Variants in CDKL5 observed in about 807,000 individuals in gnomAD.
CDKL5 encodes the protein cyclin-dependent kinase-like 5.
In CDKL5, 8 loss-of-function variants were observed where a neutral mutation model predicts 61.7. The observed-to-expected ratio is 0.13, with a 90% confidence interval of 0.08 to 0.23. The LOEUF (loss-of-function observed/expected upper bound fraction) is 0.23, where lower values mean the gene tolerates loss of function less well. Ranked by LOEUF, CDKL5 falls within the 10% of genes least tolerant of loss-of-function variation. CDKL5 has a pLI of 1.00. For missense variants in CDKL5, 440 were observed against 734.5 expected (o/e 0.60, Z 4.63); for synonymous variants, 275 against 272.3 (o/e 1.01, Z -0.10).
At chrX:18,581,768 C>T in intron 6 of CDKL5, 123 bp from the exon 7 acceptor site, 1 of 444,113 alleles carries the variant, frequency 2.3e-6, no homozygotes, top group Non-Finnish European at 3.9e-6. Flanking sequence ...TTTTTGCTGC[C>T]ACAGTTTTCT....
At chrX:18,496,984 G>A (rs1273554642) in intron 1 of CDKL5, among the ~76,000 whole-genome samples, 1 of 108,965 alleles carries the variant, frequency 9.2e-6, no homozygotes, top group Non-Finnish European at 1.9e-5. Context: ...CAGCTGGGGG[G>A]TTTAGGATTT....
chrX:18,617,450 G>A (rs1011316122), intron 15 of CDKL5, among the ~76,000 whole-genome samples: 6 of 112,087 alleles, frequency 5.4e-5, no homozygotes, highest in Non-Finnish European at 1.1e-4. Flanking sequence ...GCCAGAATGC[G>A]CAAATGAGGG....
At chrX:18,525,694 T>C (rs1300973089) in intron 3 of CDKL5, among the ~76,000 whole-genome samples, 1 of 109,877 alleles carries the variant, frequency 9.1e-6, no homozygotes, top group Non-Finnish European at 1.9e-5. Flanking sequence ...GGGATTGCAT[T>C]GAATCTGCAG....
At position 18,589,252 on chromosome X, in the gene CDKL5, A is replaced by G. The variant is rs1292457884; in HGVS notation, c.744+1109A>G. 3.6e-5 allele frequency: 4 copies of G among 110,469 alleles called. No individual in the cohort carries two copies. In the East Asian group the frequency reaches 1.1e-3, roughly 32 times the overall value. The allele number at this position is 110,469 out of a possible 1,213,427, so 9.1% of individuals were successfully genotyped here. On this transcript the variant is annotated intron_variant, in intron 9 of 17. Coordinates refer to ENST00000623535, the MANE Select transcript of CDKL5 (RefSeq NM_001323289.2). ...GGTGTGCTGCACCCATTAACTTGTC[A>G]TTTACATTAGGTATATCTCCTAATG...
intron 16 of CDKL5, among the ~76,000 whole-genome samples, chrX:18,624,695 CACTACCATAT>C (rs1926983061): frequency 8.9e-6 from 1 of 112,081 alleles, no homozygotes; most frequent in Non-Finnish European, 1.9e-5. Context: ...ACTTCTTTGG[CACTACCATAT>C]ACAGTGTTTG....
Position 18,565,245 on chromosome X carries a change from A to AT in CDKL5, c.145+730dup, listed in dbSNP as rs749531317. 6.2e-4 allele frequency among the ~76,000 whole-genome samples: 69 copies of AT among 111,829 alleles called. 1 individual carries two copies. Among genetic ancestry groups the AT allele is most frequent in the African/African-American group, 2.2e-3 (67 of 30,794 alleles). On this transcript the variant is annotated intron_variant, in intron 4 of 17. Coordinates refer to ENST00000623535, the MANE Select transcript of CDKL5 (RefSeq NM_001323289.2). ...TGGCCTTTAAGGTGCTCTAGACAAC[A>AT]TTTTTTTCAGACTTTTTGGACTGAG...
At chrX:18,576,431 C>T (rs994161207) in intron 5 of CDKL5, among the ~76,000 whole-genome samples, 2 of 111,274 alleles carry the variant, frequency 1.8e-5, no homozygotes, top group Admixed American at 9.6e-5. Context: ...CCTGCCGATT[C>T]CTATGCTGTT....
At position 18,614,051 on chromosome X, in the gene CDKL5, T is replaced by C. The variant is rs1435190397; in HGVS notation, c.2276+776T>C. Among the ~76,000 whole-genome samples the C allele has an allele frequency of 2.7e-5, 3 of 111,717 alleles. No homozygotes were observed. In the Admixed American group the frequency reaches 2.8e-4, roughly 11 times the overall value. ...ACCCTGAAAGACTGCCCAGGTTCTCTACCAAGAGCATAAAATGGGACATCA... is the reference window on the plus strand; with the variant it reads ...ACCCTGAAAGACTGCCCAGGTTCTCCACCAAGAGCATAAAATGGGACATCA... On this transcript the variant is annotated intron_variant, in intron 15 of 17. Coordinates refer to ENST00000623535, the MANE Select transcript of CDKL5 (RefSeq NM_001323289.2).
chrX:18,432,589 A>C (rs895632614), intron 1 of CDKL5, among the ~76,000 whole-genome samples: 1 of 106,881 alleles, frequency 9.4e-6, no homozygotes, highest in African/African-American at 3.4e-5. Flanking sequence ...AATCATGTAG[A>C]TCTTAAAAGA....
chrX:18,469,585 T>TTGCAATGAGCCGAGATCG (rs1921012423), intron 1 of CDKL5, among the ~76,000 whole-genome samples: 1 of 106,455 alleles, frequency 9.4e-6, no homozygotes, highest in Admixed American at 1.0e-4. Context: ...GAGGCGGAGG[T>TTGCAATGAGCCGAGATCG]TGCAATGAGC....
chrX:18,641,929 G>A (rs981434245), downstream of CDKL5: 65 of 1,081,860 alleles, frequency 6.0e-5, no homozygotes, highest in Non-Finnish European at 8.0e-5. Context: ...GTCCATCTCG[G>A]TGGTGTGTGA....
At chrX:18,504,858 G>A (rs1379878871) in intron 1 of CDKL5, among the ~76,000 whole-genome samples, 2 of 107,270 alleles carry the variant, frequency 1.9e-5, no homozygotes, top group Admixed American at 2.0e-4. Flanking sequence ...GTGTGAACCC[G>A]GGAGGCGGAG....
chrX:18,558,778 C>T (rs1924689978), intron 3 of CDKL5, among the ~76,000 whole-genome samples: 1 of 112,333 alleles, frequency 8.9e-6, no homozygotes, highest in Admixed American at 9.4e-5. Context: ...GGAGTTCTCA[C>T]TCCCCTACTA....
intron 3 of CDKL5, among the ~76,000 whole-genome samples, chrX:18,526,063 A>G (rs1160388908): frequency 8.9e-6 from 1 of 112,590 alleles, no homozygotes; most frequent in Non-Finnish European, 1.9e-5. Context: ...ATTGAGTCTT[A>G]TAATCTGTGA....
rs762828342 is a variant in CDKL5, at chrX:18,608,822, G to A, written c.1956G>A (p.Gln652=). Residue 652 remains glutamine (Q), a synonymous_variant, in exon 13 of 18, where the codon CAG becomes CAA. Coordinates refer to ENST00000623535, the MANE Select transcript of CDKL5 (RefSeq NM_001323289.2). ...LQLLSPQPGE[Q]LPPEMTVARS... The stretch of plus-strand genomic sequence containing the variant: ...AATTTTACTTCCAGCCTGGAGAACA[G>A]CTCCCTCCAGAGATGACTGTGGCAA... The A allele has an allele frequency of 8.3e-7, 1 of 1,200,665 alleles. No individual in the cohort carries two copies. Among genetic ancestry groups the A allele is most frequent in the Non-Finnish European group, 1.1e-6 (1 of 885,768 alleles).
chrX:18,590,591 TTGTC>T (rs1244240334), intron 9 of CDKL5, among the ~76,000 whole-genome samples: 1 of 111,832 alleles, frequency 8.9e-6, no homozygotes, highest in Non-Finnish European at 1.9e-5. Flanking sequence ...CTCCTGCTTT[TTGTC>T]TGTCTTTCAC....
rs1012548421 is a variant in CDKL5 at position 18,544,539 on chromosome X, C to G, written c.100-19938C>G. ...ATTGAGGCACAGAGAAGTTAAGGAA[C>G]TTCCCTAAGGCCACTCAGGTAGTAG... On this transcript the variant is annotated intron_variant, in intron 3 of 17. Transcript: ENST00000623535. 2.7e-5 allele frequency among the ~76,000 whole-genome samples: 3 copies of G among 111,984 alleles called. No individual in the cohort carries two copies. In the Admixed American group the frequency reaches 2.8e-4, roughly 11 times the overall value.
intron 1 of CDKL5, among the ~76,000 whole-genome samples, chrX:18,497,016 G>A (rs1569195826): frequency 9.4e-6 from 1 of 106,838 alleles, no homozygotes; most frequent in Non-Finnish European, 1.9e-5. Context: ...TTTTTGAGAT[G>A]GAGTCTTGCT....
intron 1 of CDKL5, among the ~76,000 whole-genome samples, chrX:18,451,438 C>T (rs886280663): frequency 1.2e-4 from 13 of 112,095 alleles, no homozygotes; most frequent in African/African-American, 2.9e-4. Context: ...GTGATTCACC[C>T]GCCTTGCCTC....
Sources: allele counts gnomAD v4.1 joint callset (sites outside exome capture counted in the v4.1 genomes callset), GRCh38; gene constraint gnomAD v4.1.1; transcripts MANE v1.5; gene names NCBI Gene and HGNC (gene_info 2026-07-23, HGNC 2026-07-21).